Variants in SSBP2 observed in about 807,000 individuals in gnomAD.
The protein encoded by SSBP2 is single-stranded DNA-binding protein 2.
Under a neutral mutation model 61.8 loss-of-function variants are expected in SSBP2, and 17 were observed. The observed-to-expected ratio is 0.28, with a 90% CI of 0.19 to 0.41. The LOEUF (loss-of-function observed/expected upper bound fraction) is 0.41, where lower values mean the gene tolerates loss of function less well. Ranked by LOEUF, SSBP2 falls within the 10% of genes least tolerant of loss-of-function variation. The probability of loss-of-function intolerance (pLI) is 1.00; values close to 1 mark genes in which losing one functional copy is unlikely to be tolerated. For synonymous variants in SSBP2, 139 were observed against 141.3 expected, an observed-to-expected ratio of 0.98 and a Z score of 0.12; for missense variants, 310 against 458.7, an observed-to-expected ratio of 0.68 and a Z score of 2.96.
chr5:81,595,395 C>A (rs184224755), intron 4 of SSBP2, among the ~76,000 whole-genome samples: 1 of 152,104 alleles, frequency 6.6e-6, no homozygotes, highest in Non-Finnish European at 1.5e-5. Flanking sequence ...GATTCACAGC[C>A]GAGTTCTACC....
intron 4 of SSBP2, among the ~76,000 whole-genome samples, chr5:81,535,653 G>C (rs866870009): frequency 3.4e-4 from 51 of 152,128 alleles, no homozygotes; most frequent in Non-Finnish European, 1.6e-4. Context: ...TACTAGAATG[G>C]AGAAAAGACA....
chr5:81,613,451 AGAT>A (rs376525099), intron 4 of SSBP2, among the ~76,000 whole-genome samples: 15 of 152,120 alleles, frequency 9.9e-5, no homozygotes, highest in Non-Finnish European at 1.8e-4. Context: ...TATGAATGCA[AGAT>A]GATGATGATG....
chr5:81,457,441 C>T (rs1489840452), intron 10 of SSBP2, among the ~76,000 whole-genome samples: 2 of 152,108 alleles, frequency 1.3e-5, no homozygotes, highest in Non-Finnish European at 2.9e-5. Flanking sequence ...CAAGAATCAT[C>T]AATAGATGTC....
chr5:81,485,829 A>C (rs984274560), intron 6 of SSBP2, among the ~76,000 whole-genome samples: 1 of 152,178 alleles, frequency 6.6e-6, no homozygotes, highest in Admixed American at 6.5e-5. Flanking sequence ...GTTTTTATCT[A>C]CATAATTCCA....
At position 81,587,948 on chromosome 5, in the gene SSBP2, C is replaced by T. The variant is rs115426413; in HGVS notation, c.282+27525G>A. ...CTATCTTAGTGCAAAACATCTTGGT[C>T]GTTAAAGCTTGATGAAAGATAAATA... On this transcript the variant is annotated intron_variant, in intron 4 of 16. Coordinates refer to ENST00000320672, the MANE Select transcript of SSBP2 (RefSeq NM_012446.5). Among the ~76,000 whole-genome samples the T allele has an allele frequency of 6.6e-3, 1,004 of 152,182 alleles. 12 individuals are homozygous for T. Among genetic ancestry groups the T allele is most frequent in the African/African-American group, 0.023 (939 of 41,512 alleles).
At chr5:81,744,995 C>A (rs562238268) in intron 1 of SSBP2, among the ~76,000 whole-genome samples, 2 of 152,044 alleles carry the variant, frequency 1.3e-5, no homozygotes, top group East Asian at 3.9e-4. Flanking sequence ...ATTTTTGGTC[C>A]TATAATTATA....
intron 1 of SSBP2, among the ~76,000 whole-genome samples, chr5:81,665,366 A>T (rs1751027044): frequency 6.6e-6 from 1 of 152,176 alleles, no homozygotes; most frequent in South Asian, 2.1e-4. Flanking sequence ...TGATGGATGG[A>T]TATATCTAAA....
chr5:81,742,507 A>C (rs887101140), intron 1 of SSBP2, among the ~76,000 whole-genome samples: 9 of 152,224 alleles, frequency 5.9e-5, no homozygotes, highest in African/African-American at 2.2e-4. Context: ...AGCAGTGGGA[A>C]TATGACGGTA....
chr5:81,454,166 T>C (rs956133965), intron 10 of SSBP2, among the ~76,000 whole-genome samples: 4 of 152,140 alleles, frequency 2.6e-5, no homozygotes, highest in Non-Finnish European at 5.9e-5. Flanking sequence ...AGACATGGGA[T>C]GGTGGCTGGA....
chr5:81,718,691 C>A (rs1036529094), intron 1 of SSBP2, among the ~76,000 whole-genome samples: 1 of 152,210 alleles, frequency 6.6e-6, no homozygotes, highest in Admixed American at 6.5e-5. Context: ...GTAAGTTTCA[C>A]ATTTCAGTTA....
chr5:81,587,830 T>G (rs1048064284), intron 4 of SSBP2, among the ~76,000 whole-genome samples: 3 of 151,408 alleles, frequency 2.0e-5, no homozygotes, highest in Admixed American at 6.6e-5. Context: ...AGCGAAAGGG[T>G]ATAGAAGAAA....
intron 9 of SSBP2, among the ~76,000 whole-genome samples, chr5:81,461,837 A>C (rs1328881195): frequency 1.3e-5 from 2 of 152,230 alleles, no homozygotes; most frequent in Admixed American, 1.3e-4. Flanking sequence ...GAGTTTTTAA[A>C]GTAAAATTAA....
chr5:81,695,875 A>C (rs554785026), intron 1 of SSBP2, among the ~76,000 whole-genome samples: 1 of 152,270 alleles, frequency 6.6e-6, no homozygotes, highest in East Asian at 1.9e-4. Context: ...TATAATTTTT[A>C]TCTTGAAAAG....
intron 5 of SSBP2, among the ~76,000 whole-genome samples, chr5:81,503,655 A>C (rs565456364): frequency 2.0e-5 from 3 of 152,350 alleles, no homozygotes; most frequent in Admixed American, 2.0e-4. Context: ...AATATAAACT[A>C]TTCTACCATA....
intron 4 of SSBP2, among the ~76,000 whole-genome samples, chr5:81,600,970 C>T (rs1213455801): frequency 6.6e-6 from 1 of 152,096 alleles, no homozygotes; most frequent in Non-Finnish European, 1.5e-5. Flanking sequence ...AGGGTATACT[C>T]TTACATACGA....
At chr5:81,577,809 T>TTGTA (rs1774344458) in intron 4 of SSBP2, among the ~76,000 whole-genome samples, 1 of 152,058 alleles carries the variant, frequency 6.6e-6, no homozygotes, top group Non-Finnish European at 1.5e-5. Context: ...AAGATTAACC[T>TTGTA]TCACAATGTG....
chr5:81,635,362 C>A (rs1748114497), intron 3 of SSBP2, among the ~76,000 whole-genome samples: 1 of 152,112 alleles, frequency 6.6e-6, no homozygotes, highest in Non-Finnish European at 1.5e-5. Context: ...TTATTCCCCC[C>A]TTGTTCTTGG....
chr5:81,538,074 C>T (rs188941427), intron 4 of SSBP2, among the ~76,000 whole-genome samples: 266 of 152,216 alleles, frequency 1.7e-3, no homozygotes, highest in Non-Finnish European at 2.4e-3. Context: ...GAGTAAGGCA[C>T]GTCAAAAGCC....
chr5:81,478,407 C>G (rs6894847), intron 6 of SSBP2, among the ~76,000 whole-genome samples: 50 of 152,062 alleles, frequency 3.3e-4, no homozygotes, highest in African/African-American at 1.1e-3. Context: ...GTGGTGCAAT[C>G]TCACCTCACT....
Sources: allele counts gnomAD v4.1 joint callset (sites outside exome capture counted in the v4.1 genomes callset), GRCh38; gene constraint gnomAD v4.1.1; transcripts MANE v1.5; gene names NCBI Gene and HGNC (gene_info 2026-07-23, HGNC 2026-07-21).